Variants in FOXO3 observed in about 807,000 individuals in gnomAD.
The protein encoded by FOXO3 is forkhead box O3.
FOXO3 carries 4 observed loss-of-function variants against 41.9 expected under a neutral mutation model. The ratio of observed to expected loss-of-function variants is 0.10; its 90% CI spans 0.05 to 0.22. FOXO3 has a LOEUF of 0.22. FOXO3 is among the 10% of genes least tolerant of loss of function. The pLI is 1.00. For missense variants in FOXO3, 534 were observed against 906.8 expected (o/e 0.59, Z 5.28); for synonymous variants, 318 against 389.3 (o/e 0.82, Z 2.16).
At chr6:108,560,297 C>T (rs904452683), upstream of FOXO3, among the ~76,000 whole-genome samples, 1 of 152,198 alleles carries the variant, frequency 6.6e-6, no homozygotes, top group African/African-American at 2.4e-5. Context: ...TCGCTCCCTC[C>T]CCCGGATCCC....
intron 1 of FOXO3, among the ~76,000 whole-genome samples, chr6:108,636,909 C>T (rs775818768): frequency 6.6e-6 from 1 of 152,218 alleles, no homozygotes; most frequent in Middle Eastern, 3.4e-3. Context: ...CCCAGGTGGT[C>T]CCACTGAAGC....
intron 1 of FOXO3, among the ~76,000 whole-genome samples, chr6:108,658,857 T>G (rs78302460): frequency 4.6e-5 from 7 of 152,022 alleles, no homozygotes; most frequent in African/African-American, 1.4e-4. Flanking sequence ...GACTTTTTTT[T>G]GTTTGCTTTT....
chr6:108,617,510 GC>G (rs1777549208), intron 1 of FOXO3, among the ~76,000 whole-genome samples: 1 of 151,694 alleles, frequency 6.6e-6, no homozygotes. Context: ...AAGACAGATT[GC>G]CCTACATATA....
intron 2 of FOXO3, among the ~76,000 whole-genome samples, chr6:108,678,436 TGTCTGGAG>T (rs1770705083): frequency 1.3e-5 from 2 of 152,112 alleles, no homozygotes; most frequent in Non-Finnish European, 2.9e-5. Flanking sequence ...AAGAATCTTA[TGTCTGGAG>T]GTCTGTCATG....
intron 1 of FOXO3, among the ~76,000 whole-genome samples, chr6:108,583,368 A>C (rs1159323738): frequency 6.6e-6 from 1 of 152,134 alleles, no homozygotes; most frequent in Non-Finnish European, 1.5e-5. Context: ...ATCCAGAGTG[A>C]TGGGGCCTGA....
chr6:108,563,861 T>C (rs1775882206), intron 1 of FOXO3, among the ~76,000 whole-genome samples: 1 of 152,142 alleles, frequency 6.6e-6, no homozygotes. Context: ...GAGATTGGGC[T>C]AGATACATTT....
At chr6:108,611,939 A>G (rs747501475) in intron 1 of FOXO3, among the ~76,000 whole-genome samples, 2 of 152,206 alleles carry the variant, frequency 1.3e-5, no homozygotes, top group East Asian at 1.9e-4. Context: ...TCATTTATCC[A>G]TTGAACTTCC....
chr6:108,573,884 C>T (rs958043663), intron 1 of FOXO3, among the ~76,000 whole-genome samples: 10 of 150,648 alleles, frequency 6.6e-5, no homozygotes, highest in South Asian at 2.1e-4. Flanking sequence ...CCGGGCGCGG[C>T]GGCTCACGCC....
chr6:108,640,441 T>C (rs1310531370), intron 1 of FOXO3, among the ~76,000 whole-genome samples: 1 of 152,206 alleles, frequency 6.6e-6, no homozygotes, highest in African/African-American at 2.4e-5. Context: ...GGATCAGAGT[T>C]GATGAACTAA....
chr6:108,602,668 A>C (rs549123393), intron 1 of FOXO3, among the ~76,000 whole-genome samples: 36 of 152,148 alleles, frequency 2.4e-4, no homozygotes, highest in African/African-American at 8.4e-4. Flanking sequence ...AAAAAAAAAA[A>C]CCTTTTATTA....
rs564944358 is a variant in FOXO3 at position 108,624,113 on chromosome 6, A to T, written c.622-39342A>T. On this transcript the variant is annotated intron_variant, in intron 1 of 2. Transcript: ENST00000406360. ...CATGAATCTGTTTGATGTTTTCGGG[A>T]TGTCCTGAGAGAAAAATTCTTTGAC... 1.8e-4 allele frequency among the ~76,000 whole-genome samples: 28 copies of T among 152,128 alleles called. 1 individual carries two copies. Among genetic ancestry groups the T allele is most frequent in the Non-Finnish European group, 3.1e-4 (21 of 68,022 alleles).
At chr6:108,654,337 A>G (rs1001354978) in intron 1 of FOXO3, among the ~76,000 whole-genome samples, 1 of 152,038 alleles carries the variant, frequency 6.6e-6, no homozygotes, top group Admixed American at 6.6e-5. Context: ...AATAAAATCC[A>G]CCCTAGAAAA....
chr6:108,592,472 C>T (rs1650392413), intron 1 of FOXO3, among the ~76,000 whole-genome samples: 1 of 152,218 alleles, frequency 6.6e-6, no homozygotes, highest in African/African-American at 2.4e-5. Context: ...CTTTGCATCT[C>T]ATCTGCCTTC....
chr6:108,600,999 G>A (rs1208441502), intron 1 of FOXO3, among the ~76,000 whole-genome samples: 1 of 152,084 alleles, frequency 6.6e-6, no homozygotes, highest in Non-Finnish European at 1.5e-5. Flanking sequence ...ATCACTGCAA[G>A]GATCCTTCCT....
intron 1 of FOXO3, among the ~76,000 whole-genome samples, chr6:108,635,241 G>T (rs1778090606): frequency 6.6e-6 from 1 of 151,918 alleles, no homozygotes; most frequent in African/African-American, 2.4e-5. Flanking sequence ...GTTGCAGTGA[G>T]CGGAGATCAC....
intron 1 of FOXO3, among the ~76,000 whole-genome samples, chr6:108,608,836 T>C (rs1430905315): frequency 6.6e-6 from 1 of 152,168 alleles, no homozygotes; most frequent in Non-Finnish European, 1.5e-5. Context: ...CTTAACTTTA[T>C]TTTTCTCTAT....
chr6:108,672,406 G>A (rs1423332033), intron 2 of FOXO3, among the ~76,000 whole-genome samples: 8 of 152,144 alleles, frequency 5.3e-5, no homozygotes, highest in Non-Finnish European at 7.4e-5. Context: ...TTCTCTAAGC[G>A]CTTCTAAATA....
At chr6:108,643,135 C>T (rs541380370) in intron 1 of FOXO3, among the ~76,000 whole-genome samples, 1 of 152,282 alleles carries the variant, frequency 6.6e-6, no homozygotes, top group East Asian at 1.9e-4. Context: ...CTTTCATTTC[C>T]CCACCTTTTG....
intron 1 of FOXO3, among the ~76,000 whole-genome samples, chr6:108,609,852 A>C (rs1777310969): frequency 6.6e-6 from 1 of 152,310 alleles, no homozygotes; most frequent in Middle Eastern, 3.4e-3. Flanking sequence ...TTAACTGTTG[A>C]CAACAGGGCT....
Sources: allele counts gnomAD v4.1 joint callset (sites outside exome capture counted in the v4.1 genomes callset), GRCh38; gene constraint gnomAD v4.1.1; transcripts MANE v1.5; gene names NCBI Gene and HGNC (gene_info 2026-07-23, HGNC 2026-07-21).